The following PRKG1 variants were observed in gnomAD, a reference collection of about 807,000 sequenced individuals.
The protein encoded by PRKG1 is protein kinase cGMP-dependent 1.
PRKG1 carries 35 observed loss-of-function variants against 88.1 expected under a neutral mutation model. That is an observed-to-expected ratio of 0.40 (90% CI 0.30 to 0.53). The LOEUF is 0.53. PRKG1 is among the 20% of genes least tolerant of loss of function. The probability of loss-of-function intolerance (pLI) is 0.59; values close to 1 mark genes in which losing one functional copy is unlikely to be tolerated. For synonymous variants in PRKG1, 303 were observed against 292.5 expected, an observed-to-expected ratio of 1.04 and a Z score of -0.37; for missense variants, 540 against 839.8, an observed-to-expected ratio of 0.64 and a Z score of 4.41.
chr10:51,732,780 G>A (rs902026963), intron 3 of PRKG1, among the ~76,000 whole-genome samples: 1 of 152,144 alleles, frequency 6.6e-6, no homozygotes, highest in Non-Finnish European at 1.5e-5. Context: ...TTTGAAACTT[G>A]TAAGATCTCA....
rs147835689 is a variant in PRKG1, at chr10:51,566,879, A to T, written c.592+99043A>T. ...GACACCCCATTGGGAAGACAAAAAA[A>T]TACAGTAGATCTTAAATGTTGTCAA... is the stretch of plus-strand genomic sequence containing the variant. On this transcript the variant is annotated intron_variant, in intron 3 of 17. Coordinates refer to ENST00000373980, the MANE Select transcript of PRKG1 (RefSeq NM_006258.4). Among the ~76,000 whole-genome samples the T allele has an allele frequency of 3.6e-3, 555 of 152,088 alleles. 3 individuals carry two copies. The highest frequency in any genetic ancestry group is 0.012 in the African/African-American group (515 of 41,492).
Position 51,466,394 on chromosome 10 carries a change from G to A in PRKG1, c.479-1329G>A, listed in dbSNP as rs1031835371. On this transcript the variant is annotated intron_variant, in intron 2 of 17. Coordinates refer to ENST00000373980, the MANE Select transcript of PRKG1 (RefSeq NM_006258.4). Reference sequence around the variant, plus strand: ...TTCCTGACTAATTTCTTTACATACAGAGGGGCATGCATACACCAGTCAAAA... The same window carrying A: ...TTCCTGACTAATTTCTTTACATACAAAGGGGCATGCATACACCAGTCAAAA... Among the ~76,000 whole-genome samples the A allele has an allele frequency of 9.9e-5, 15 of 152,000 alleles. 1 individual carries two copies. Among genetic ancestry groups the A allele is most frequent in the African/African-American group, 3.6e-4 (15 of 41,402 alleles).
At chr10:51,186,954 T>TTATATATATATATATA (rs3061211) in intron 2 of PRKG1, among the ~76,000 whole-genome samples, 24 of 131,230 alleles carry the variant, frequency 1.8e-4, no homozygotes, top group African/African-American at 4.8e-4. Flanking sequence ...AGGCCCTGTG[T>TTATATATATATATATA]TATATATATA....
chr10:51,371,219 T>C (rs978705440), intron 2 of PRKG1, among the ~76,000 whole-genome samples: 1 of 152,006 alleles, frequency 6.6e-6, no homozygotes, highest in African/African-American at 2.4e-5. Context: ...TTAGCCTTTT[T>C]GAAACTTACA....
Position 51,074,594 on chromosome 10 carries a change from G to A in PRKG1, c.4G>A (p.Gly2Ser). 6.2e-7 allele frequency: 1 copy of A among 1,609,528 alleles called. No homozygotes were observed. The highest frequency in any genetic ancestry group is 2.2e-5 in the East Asian group (1 of 44,676). Residue 2 changes from glycine (G) to serine (S), a missense_variant, in exon 1 of 18, where the codon GGC (glycine) becomes AGC (serine). Around this residue, in one of 5 missense-constraint regions of PRKG1, gnomAD observed 15 missense variants for 30.1 expected, o/e 0.50. Coordinates refer to ENST00000373980, the MANE Select transcript of PRKG1 (RefSeq NM_006258.4). M[G>S]TLRDLQYALQ... ...GCCCCCGGCAGCCCGGAGGAGCATGGGCACCTTGCGGGATTTACAGTACGC... is the reference window on the plus strand; with the variant it reads ...GCCCCCGGCAGCCCGGAGGAGCATGAGCACCTTGCGGGATTTACAGTACGC...
chr10:51,306,435 G>A (rs868272329), intron 2 of PRKG1: 5 of 152,132 alleles, frequency 3.3e-5, no homozygotes, highest in Admixed American at 2.0e-4. Context: ...GTATGGCCTT[G>A]GTTGTACCCC....
At chr10:51,595,533 G>A (rs1838422199) in intron 3 of PRKG1, among the ~76,000 whole-genome samples, 1 of 149,874 alleles carries the variant, frequency 6.7e-6, no homozygotes, top group African/African-American at 2.5e-5. Context: ...GAGAGGCTGA[G>A]GCAGGAGAAT....
chr10:51,301,132 T>C lies in PRKG1; in HGVS notation c.478+147802T>C, dbSNP rs1840873142. Among the ~76,000 whole-genome samples the C allele has an allele frequency of 2.0e-5, 3 of 152,126 alleles. No homozygotes were observed. In the South Asian group the frequency reaches 6.2e-4, roughly 32 times the overall value. On this transcript the variant is annotated intron_variant, in intron 2 of 17. Transcript: ENST00000373980. ...ATGTCTGATAGAGTCCAGCAACAGA[T>C]TAGTGAAAGAAACTGGCCGTCCAAA...
At chr10:51,890,897 A>G (rs984378383) in intron 4 of PRKG1, among the ~76,000 whole-genome samples, 2 of 152,216 alleles carry the variant, frequency 1.3e-5, no homozygotes, top group African/African-American at 2.4e-5. Context: ...TGTAGGTTGC[A>G]GTGAGCCAAG....
At chr10:51,801,539 A>G (rs878974086) in intron 3 of PRKG1, among the ~76,000 whole-genome samples, 1 of 152,250 alleles carries the variant, frequency 6.6e-6, no homozygotes, top group Admixed American at 6.5e-5. Flanking sequence ...AGTGTTTGCC[A>G]TATTGGTATA....
chr10:51,204,402 A>G (rs973762670), intron 2 of PRKG1, among the ~76,000 whole-genome samples: 12 of 146,652 alleles, frequency 8.2e-5, no homozygotes, highest in Non-Finnish European at 1.1e-4. Flanking sequence ...GTGTGTGTGT[A>G]CACATTTCTT....
chr10:51,194,769 T>A (rs1837719374), intron 2 of PRKG1, among the ~76,000 whole-genome samples: 1 of 152,102 alleles, frequency 6.6e-6, no homozygotes, highest in African/African-American at 2.4e-5. Context: ...AAGTCAAAGA[T>A]CGAGGGCCCA....
intron 5 of PRKG1, chr10:51,908,213 G>A (rs952363244): frequency 2.0e-5 from 3 of 152,326 alleles, no homozygotes; most frequent in East Asian, 1.9e-4. Flanking sequence ...TTTGTTTCAG[G>A]TCGAAAAGAT....
At chr10:52,080,571 C>T (rs569690652) in intron 7 of PRKG1, among the ~76,000 whole-genome samples, 22 of 152,006 alleles carry the variant, frequency 1.4e-4, no homozygotes, top group African/African-American at 4.6e-4. Flanking sequence ...TAAACTAGTT[C>T]GGTAAGGGGC....
chr10:52,030,077 G>A (rs1845439979), intron 5 of PRKG1, among the ~76,000 whole-genome samples: 1 of 152,150 alleles, frequency 6.6e-6, no homozygotes, highest in Non-Finnish European at 1.5e-5. Context: ...TCCCATCAGA[G>A]GCTTCATTTG....
chr10:51,118,546 A>C (rs1845187210), intron 1 of PRKG1, among the ~76,000 whole-genome samples: 1 of 152,148 alleles, frequency 6.6e-6, no homozygotes, highest in Non-Finnish European at 1.5e-5. Flanking sequence ...ATCTGTGCCA[A>C]ATACTGTACT....
chr10:52,188,264 ATATG>A (rs1180697902), intron 9 of PRKG1, among the ~76,000 whole-genome samples: 89 of 920 alleles, frequency 0.097, 2 homozygotes, highest in East Asian at 0.41. Flanking sequence ...ATATATATAC[ATATG>A]TATATATATA....
intron 9 of PRKG1, among the ~76,000 whole-genome samples, chr10:52,185,972 G>A (rs761615279): frequency 5.3e-5 from 8 of 152,108 alleles, no homozygotes; most frequent in Non-Finnish European, 8.8e-5. Flanking sequence ...GGCCTGTGAT[G>A]GGAGGGGCTG....
At chr10:51,166,594 G>A (rs553562237) in intron 2 of PRKG1, among the ~76,000 whole-genome samples, 73 of 152,144 alleles carry the variant, frequency 4.8e-4, no homozygotes, top group African/African-American at 1.6e-3. Context: ...TGCCTTTTAT[G>A]GAAAGTCTTG....
Sources: gnomAD v4.1 joint callset for allele counts (sites outside exome capture counted in the v4.1 genomes callset) on GRCh38, gnomAD v4.1.1 for gene constraint, gnomAD v4.1.1 regional missense constraint, MANE v1.5 for transcripts, NCBI Gene and HGNC (gene_info 2026-07-23, HGNC 2026-07-21) for gene names.